The following DOCK10 variants were observed in gnomAD, a reference collection of about 807,000 sequenced individuals.
DOCK10 encodes the protein dedicator of cytokinesis 10, also known as dedicator of cytokinesis protein 10.
In DOCK10, 145 loss-of-function variants were observed where a neutral mutation model predicts 280.1. The ratio of observed to expected loss-of-function variants is 0.52; its 90% CI spans 0.45 to 0.59. The LOEUF (loss-of-function observed/expected upper bound fraction) is 0.59, where lower values mean the gene tolerates loss of function less well. Among genes scored for constraint, DOCK10 ranks in the 20% least tolerant of loss-of-function variants. The pLI, the probability that DOCK10 is intolerant of heterozygous loss-of-function variation, is 0.00. For synonymous variants in DOCK10, 915 were observed against 942.2 expected (o/e 0.97, Z 0.53); for missense variants, 2,368 against 2,651.7 (o/e 0.89, Z 2.35).
intron 19 of DOCK10, among the ~76,000 whole-genome samples, chr2:224,847,422 C>A (rs957162563): frequency 6.6e-6 from 1 of 152,168 alleles, no homozygotes; most frequent in Admixed American, 6.5e-5. Flanking sequence ...CGGTAAGCTG[C>A]AGGCAGCTCA....
intron 1 of DOCK10, among the ~76,000 whole-genome samples, chr2:224,963,078 G>T (rs1448331494): frequency 6.6e-6 from 1 of 152,164 alleles, no homozygotes; most frequent in Non-Finnish European, 1.5e-5. Context: ...TGTCCAAGCT[G>T]AGTGGTGGCT....
Position 224,778,168 on chromosome 2 carries a change from G to T in DOCK10, c.5772C>A (p.Asp1924Glu). ...LKLYADKFGA[D>E]NVKIIQDSNK... is the part of the protein sequence containing the mutation. Reference sequence around the variant, plus strand: ...TGGAATCCTGGATTATCTTCACATTGTCTGCTCCAAATTTATCTGCATAGA... The same window carrying T: ...TGGAATCCTGGATTATCTTCACATTTTCTGCTCCAAATTTATCTGCATAGA... Residue 1924 changes from aspartate to glutamate, a missense_variant, in exon 51 of 56, where the codon GAC becomes GAA. Around this residue, in one of 2 missense-constraint regions of DOCK10, gnomAD observed 1,159 missense variants for 1,400.8 expected, o/e 0.83. Coordinates refer to ENST00000258390, the MANE Select transcript of DOCK10 (RefSeq NM_014689.3). The T allele has an allele frequency of 6.2e-7, 1 of 1,613,414 alleles. No homozygotes were observed. Among genetic ancestry groups the T allele is most frequent in the South Asian group, 1.1e-5 (1 of 90,984 alleles).
intron 7 of DOCK10, among the ~76,000 whole-genome samples, chr2:224,884,217 G>T (rs759669694): frequency 2.0e-5 from 3 of 152,158 alleles, no homozygotes; most frequent in African/African-American, 7.2e-5. Flanking sequence ...CTTCCTGGAA[G>T]AATTCCAGAT....
rs891506846 is a variant in DOCK10, at chr2:224,876,060, T to C, written c.909A>G (p.Thr303=). The C allele has an allele frequency of 6.2e-7, 1 of 1,613,704 alleles. No homozygotes were observed. Among genetic ancestry groups the C allele is most frequent in the Non-Finnish European group, 8.5e-7 (1 of 1,179,764 alleles). Residue 303 remains threonine (T), a synonymous_variant, in exon 8 of 56, where the codon ACA becomes ACG. Transcript: ENST00000258390. ...CACCCAGACCCAGATCAGTGAGCTC[T>C]GTGCTCCTCCTCCCTTGGAGGGGCC... ...PEGPLQGRRS[T]ELTDLGLDSL...
chr2:224,965,204 C>T (rs11685718), intron 1 of DOCK10, among the ~76,000 whole-genome samples: 34,234 of 152,028 alleles, frequency 0.23, 4,360 homozygotes, highest in Non-Finnish European at 0.28. Context: ...ATAGCTTATT[C>T]GATGGGAAAT....
chr2:225,029,179 T>G (rs1156389739), intron 1 of DOCK10, among the ~76,000 whole-genome samples: 4 of 152,174 alleles, frequency 2.6e-5, no homozygotes, highest in African/African-American at 9.7e-5. Context: ...ATTTATTTAT[T>G]TATTTATTTT....
In DOCK10 at chr2:224,786,897, A is replaced by C; in HGVS notation, c.5655+125T>G. The C allele has an allele frequency of 1.4e-6, 1 of 719,638 alleles. No individual in the cohort carries two copies. Among genetic ancestry groups the C allele is most frequent in the Non-Finnish European group, 2.5e-6 (1 of 407,718 alleles). The allele number at this position is 719,638 out of a possible 1,614,324, so 44.6% of individuals were successfully genotyped here. A position where few individuals can be genotyped will look rare whatever the true frequency, so the allele number is the denominator to read the frequency against. Reference sequence around the variant, plus strand: ...GACCATCACATCCAGAGAAACACTCAAGTATAGTCAGACACACCCACACCT... The same window carrying C: ...GACCATCACATCCAGAGAAACACTCCAGTATAGTCAGACACACCCACACCT... On this transcript the variant is annotated intron_variant, in intron 50 of 55. Transcript: ENST00000258390. The surrounding 1 kb of genome is among the most constrained non-coding windows in gnomAD (Gnocchi z 4.7).
intron 53 of DOCK10, among the ~76,000 whole-genome samples, chr2:224,771,138 C>A: frequency 6.6e-6 from 1 of 151,958 alleles, no homozygotes. Context: ...GGAAGGGGGG[C>A]GGTCTCACTA....
chr2:224,777,818 A>G (rs552258996), intron 51 of DOCK10, among the ~76,000 whole-genome samples: 4 of 152,268 alleles, frequency 2.6e-5, no homozygotes, highest in South Asian at 4.1e-4. Flanking sequence ...CTGAATAAAT[A>G]TTTTCAACTT....
At chr2:224,780,656 C>T (rs552815641) in intron 50 of DOCK10, among the ~76,000 whole-genome samples, 1 of 152,122 alleles carries the variant, frequency 6.6e-6, no homozygotes, top group Non-Finnish European at 1.5e-5. Flanking sequence ...AATCCCAGCA[C>T]TTTGGGAGTC....
At chr2:224,794,159 C>G (rs934690073) in intron 45 of DOCK10, among the ~76,000 whole-genome samples, 1 of 152,210 alleles carries the variant, frequency 6.6e-6, no homozygotes, top group African/African-American at 2.4e-5. Flanking sequence ...TGCTGCCAAG[C>G]CAGCCTTCTG....
intron 18 of DOCK10, among the ~76,000 whole-genome samples, chr2:224,851,162 C>A (rs764592852): frequency 2.6e-5 from 4 of 152,170 alleles, no homozygotes; most frequent in Non-Finnish European, 4.4e-5. Flanking sequence ...TTATAAGCCC[C>A]CTTTGTCCAA....
intron 1 of DOCK10, among the ~76,000 whole-genome samples, chr2:224,989,403 C>T (rs921281): frequency 0.42 from 64,500 of 152,002 alleles, 14,649 homozygotes; most frequent in African/African-American, 0.53. Flanking sequence ...AATGAATCAA[C>T]AGATAATAAA....
At chr2:224,830,471 C>T (rs1695152563) in intron 27 of DOCK10, 70 bp downstream of exon 27, 2 of 815,092 alleles carry the variant, frequency 2.5e-6, no homozygotes, top group Non-Finnish European at 3.6e-6. Context: ...CTCATGACAG[C>T]ATAATCATTA....
intron 2 of DOCK10, among the ~76,000 whole-genome samples, chr2:224,927,858 C>A (rs950257167): frequency 3.3e-5 from 5 of 150,966 alleles, no homozygotes; most frequent in Non-Finnish European, 7.4e-5. Context: ...TGGAAACATA[C>A]AAGTGAGCTG....
In DOCK10 at chr2:224,808,017, T is replaced by C. The variant is rs762678876; in HGVS notation, c.3479A>G (p.Glu1160Gly). 6.8e-6 allele frequency: 11 copies of C among 1,612,784 alleles called. No homozygotes were observed. The highest frequency in any genetic ancestry group is 2.2e-5 in the South Asian group (2 of 90,896). The part of the protein sequence containing the change: ...KHFLIGILLR[E>G]VGFALQEDQD... Reference sequence around the variant, plus strand: ...GTCTTCCTGCAGGGCAAAGCCAACTTCTCGGAGCAGAATTCCGATTAAGAA... The same window carrying C: ...GTCTTCCTGCAGGGCAAAGCCAACTCCTCGGAGCAGAATTCCGATTAAGAA... The change falls in exon 32 of 56, where the codon GAA becomes GGA. Residue 1160 changes from glutamate (E) to glycine (G), a missense_variant. Glu to Gly is a moderately conservative substitution (Grantham distance 98). Transcript: ENST00000258390.
intron 30 of DOCK10, among the ~76,000 whole-genome samples, chr2:224,815,838 C>T (rs1694096937): frequency 6.6e-6 from 1 of 152,068 alleles, no homozygotes; most frequent in Non-Finnish European, 1.5e-5. Context: ...GAGTTGGAGA[C>T]CAGCCTGGCC....
chr2:224,960,758 G>A (rs1052422997), intron 1 of DOCK10, among the ~76,000 whole-genome samples: 1 of 3,458 alleles, frequency 2.9e-4, no homozygotes, highest in Non-Finnish European at 8.0e-4. Context: ...TTTTTTTTTT[G>A]AGATGGAGTT....
At chr2:224,950,140 T>C (rs1207264193) in intron 1 of DOCK10, among the ~76,000 whole-genome samples, 2 of 152,226 alleles carry the variant, frequency 1.3e-5, no homozygotes, top group East Asian at 1.9e-4. Context: ...GGTAGCTACA[T>C]GCAGGCTGGA....
Sources: allele counts gnomAD v4.1 joint callset (sites outside exome capture counted in the v4.1 genomes callset), GRCh38; gene constraint gnomAD v4.1.1; regional missense constraint gnomAD v4.1.1; non-coding constraint Gnocchi (gnomAD v3.1); transcripts MANE v1.5; gene names NCBI Gene and HGNC (gene_info 2026-07-23, HGNC 2026-07-21).